Variants in FNBP1 observed in about 807,000 individuals in gnomAD.
FNBP1 encodes the protein formin binding protein 1, also known as formin-binding protein 1.
In FNBP1, 26 loss-of-function variants were observed where a neutral mutation model predicts 90.6. The observed-to-expected ratio is 0.29, with a 90% CI of 0.21 to 0.40. The LOEUF is 0.40. FNBP1 is among the 10% of genes least tolerant of loss of function. The pLI is 1.00. For missense variants in FNBP1, 635 were observed against 768.0 expected (o/e 0.83, Z 2.05); for synonymous variants, 260 against 265.2 (o/e 0.98, Z 0.19).
intron 2 of FNBP1, among the ~76,000 whole-genome samples, chr9:129,984,554 C>CG (rs2051831693): frequency 6.6e-6 from 1 of 152,142 alleles, no homozygotes; most frequent in Non-Finnish European, 1.5e-5. Context: ...GCTCACCCCC[C>CG]GGAGGTCCAC....
chr9:129,993,880 C>T (rs1266061775), intron 2 of FNBP1, among the ~76,000 whole-genome samples: 1 of 152,186 alleles, frequency 6.6e-6, no homozygotes, highest in Non-Finnish European at 1.5e-5. Flanking sequence ...CCACCTTTGC[C>T]TCCCAAAGTG....
At chr9:130,009,724 C>T (rs2056289303) in intron 1 of FNBP1, among the ~76,000 whole-genome samples, 1 of 152,062 alleles carries the variant, frequency 6.6e-6, no homozygotes, top group African/African-American at 2.4e-5. Context: ...ATTGCTTGAA[C>T]CCGGGAGGTG....
At chr9:130,047,625 A>G (rs1412833995), upstream of FNBP1, among the ~76,000 whole-genome samples, 1 of 136,186 alleles carries the variant, frequency 7.3e-6, no homozygotes, top group Non-Finnish European at 1.6e-5. Context: ...AAACAAAAAG[A>G]AAAACAAAAA....
In FNBP1 at chr9:129,890,245, G is replaced by GATCTC; in HGVS notation, c.*293_*294insGAGAT. On this transcript the variant is annotated 3_prime_UTR_variant, in exon 17 of 17. Transcript: ENST00000446176. The surrounding 1 kb of genome is among the most constrained non-coding windows in gnomAD (Gnocchi z 5.8). Reference sequence around the variant, plus strand: ...CTGAGGGCCCAGGAAGGAGCAGGTAGGGGCGTGTGTCCCACCGTCTCAGTG... The same window carrying GATCTC: ...CTGAGGGCCCAGGAAGGAGCAGGTAGATCTCGGGCGTGTGTCCCACCGTCTCAGTG... 10 of 503,664 alleles carry GATCTC rather than the reference G, an allele frequency of 2.0e-5. No individual in the cohort carries two copies. The highest frequency in any genetic ancestry group is 7.4e-5 in the Admixed American group (2 of 27,196). The allele number at this position is 503,664 out of a possible 1,614,324, so 31.2% of individuals were successfully genotyped here.
chr9:129,912,288 G>A (rs906524203), intron 11 of FNBP1, among the ~76,000 whole-genome samples: 7 of 152,050 alleles, frequency 4.6e-5, no homozygotes, highest in African/African-American at 1.7e-4. Flanking sequence ...GAACAGCAGA[G>A]GAAAAACGGT....
intron 1 of FNBP1, among the ~76,000 whole-genome samples, chr9:129,998,332 T>C (rs953827840): frequency 2.0e-5 from 3 of 151,306 alleles, no homozygotes; most frequent in African/African-American, 7.3e-5. Flanking sequence ...CTGGCCAACA[T>C]GGTAAAACCC....
chr9:129,964,633 C>G (rs2048304537), intron 4 of FNBP1, among the ~76,000 whole-genome samples: 1 of 148,680 alleles, frequency 6.7e-6, no homozygotes, highest in South Asian at 2.1e-4. Context: ...CTAAAATAAG[C>G]AAGCATTAAC....
At position 129,887,264 on chromosome 9, in the gene FNBP1, AT is replaced by A; in HGVS notation, c.*3274del. On this transcript the variant is annotated 3_prime_UTR_variant, in exon 17 of 17. Coordinates refer to ENST00000446176, the MANE Select transcript of FNBP1 (RefSeq NM_015033.3). ...TACAAGCCTCCAGTGGAAGCTCTTT[AT>A]TTGGTTTAATTCCATCTCCAGAGAC... 5.3e-6 allele frequency: 1 copy of A among 188,942 alleles called. No individual in the cohort carries two copies. The highest frequency in any genetic ancestry group is 1.1e-5 in the Non-Finnish European group (1 of 89,702). 11.7% of individuals were successfully genotyped at this position (188,942 alleles called of 1,614,324 possible).
At chr9:129,895,370 C>T in intron 16 of FNBP1, 1 of 1,075,578 alleles carries the variant, frequency 9.3e-7, no homozygotes, top group Non-Finnish European at 1.1e-6. Flanking sequence ...CAAACTAACA[C>T]AGTTCAGTTT....
chr9:129,961,832 T>C (rs2047877639), intron 4 of FNBP1, among the ~76,000 whole-genome samples: 2 of 152,260 alleles, frequency 1.3e-5, no homozygotes, highest in East Asian at 3.9e-4. Context: ...GTGATCCGCT[T>C]GCCTCGGCCT....
rs1017153334 is a variant in FNBP1, at chr9:129,991,406, G to C, written c.140+3437C>G. ...CCTCCTCAGCCTCTCAAGTAGCTGG[G>C]ACTACAGGTGTGCGCCACCATGCCT... On this transcript the variant is annotated intron_variant, in intron 2 of 16. Coordinates refer to ENST00000446176, the MANE Select transcript of FNBP1 (RefSeq NM_015033.3). Among the ~76,000 whole-genome samples the C allele has an allele frequency of 2.0e-5, 3 of 152,034 alleles. No homozygotes were observed. In the East Asian group the frequency reaches 5.8e-4, roughly 29 times the overall value.
In FNBP1 at chr9:129,957,799, C is replaced by T. The variant is rs1238587071; in HGVS notation, c.409-335G>A. 4.6e-5 allele frequency among the ~76,000 whole-genome samples: 7 copies of T among 152,134 alleles called. No individual in the cohort carries two copies. The highest frequency in any genetic ancestry group is 7.4e-5 in the Non-Finnish European group (5 of 68,026). On this transcript the variant is annotated intron_variant, in intron 5 of 16. Transcript: ENST00000446176. The surrounding 1 kb of genome is among the most constrained non-coding windows in gnomAD (Gnocchi z 4.3). ...AGCTTCTGAGCTCAAGCAATCCTCCCGCCTCTGCCTCCCAAATTGCTGGGA... is the reference window on the plus strand; with the variant it reads ...AGCTTCTGAGCTCAAGCAATCCTCCTGCCTCTGCCTCCCAAATTGCTGGGA...
At chr9:130,023,008 A>T (rs1223444072) in intron 1 of FNBP1, among the ~76,000 whole-genome samples, 1 of 152,190 alleles carries the variant, frequency 6.6e-6, no homozygotes, top group Non-Finnish European at 1.5e-5. Flanking sequence ...CAGAAGAAGG[A>T]TTAATAGTTA....
chr9:129,915,942 C>A, intron 11 of FNBP1, 24 bp downstream of exon 11: 1 of 1,592,798 alleles, frequency 6.3e-7, no homozygotes, highest in Non-Finnish European at 8.6e-7. Context: ...AGACTCAGGA[C>A]ATGCATGGAA....
chr9:130,025,591 A>G (rs2058264565), intron 1 of FNBP1, among the ~76,000 whole-genome samples: 1 of 152,188 alleles, frequency 6.6e-6, no homozygotes, highest in Non-Finnish European at 1.5e-5. Context: ...AATACCCCTA[A>G]TAAAAAAGTG....
intron 10 of FNBP1, among the ~76,000 whole-genome samples, chr9:129,918,219 C>A (rs543158832): frequency 6.6e-6 from 1 of 152,146 alleles, no homozygotes; most frequent in Non-Finnish European, 1.5e-5. Flanking sequence ...CAGACAAATT[C>A]GACTTTATTT....
intron 4 of FNBP1, among the ~76,000 whole-genome samples, chr9:129,965,795 AGGGG>A (rs554277932): frequency 0.33 from 39,503 of 120,286 alleles, 7,397 homozygotes; most frequent in East Asian, 0.64. Context: ...GGAGGGAGGG[AGGGG>A]GGAAGGAGGG....
intron 1 of FNBP1, among the ~76,000 whole-genome samples, chr9:130,003,145 C>G (rs2131491025): frequency 6.6e-6 from 1 of 152,106 alleles, no homozygotes; most frequent in South Asian, 2.1e-4. Context: ...AAATCTTGCC[C>G]TCACAAATCT....
upstream of FNBP1, among the ~76,000 whole-genome samples, chr9:130,043,830 G>T (rs1354285098): frequency 6.6e-6 from 1 of 152,246 alleles, no homozygotes; most frequent in African/African-American, 2.4e-5. Context: ...GTGAAATCAC[G>T]TTACCGCCTA....
Sources: allele counts gnomAD v4.1 joint callset (sites outside exome capture counted in the v4.1 genomes callset), GRCh38; gene constraint gnomAD v4.1.1; non-coding constraint Gnocchi (gnomAD v3.1); transcripts MANE v1.5; gene names NCBI Gene and HGNC (gene_info 2026-07-23, HGNC 2026-07-21).